Variants in HUWE1 observed in about 807,000 individuals in gnomAD.
HUWE1 encodes HECT, UBA and WWE domain containing E3 ubiquitin protein ligase 1.
In HUWE1, 18 loss-of-function variants were observed where a neutral mutation model predicts 299.4. That is an observed-to-expected ratio of 0.06 (90% CI 0.04 to 0.09). The LOEUF (loss-of-function observed/expected upper bound fraction) is 0.09. Ranked by LOEUF, HUWE1 falls within the 10% of genes least tolerant of loss-of-function variation. The pLI is 1.00. For missense variants in HUWE1, 1,832 were observed against 3,462.3 expected (o/e 0.53, Z 11.82); for synonymous variants, 1,317 against 1,286.1 (o/e 1.02, Z -0.51).
chrX:53,644,012 C>T (rs375696008), intron 7 of HUWE1, among the ~76,000 whole-genome samples: 9 of 110,079 alleles, frequency 8.2e-5, no homozygotes, highest in South Asian at 3.9e-4. Context: ...TTTGCAGAGA[C>T]GGGATTTCGC....
At position 53,535,535 on chromosome X, in the gene HUWE1, G is replaced by C. The variant is rs782793306; in HGVS notation, c.12532-34C>G. ...ACCAAAACACCAATCATACATATCAGACTTCATCTAGGATGGGATTAGATA... is the reference window on the plus strand; with the variant it reads ...ACCAAAACACCAATCATACATATCACACTTCATCTAGGATGGGATTAGATA... On this transcript the variant is annotated intron_variant, in intron 80 of 83. Coordinates refer to ENST00000262854, the MANE Select transcript of HUWE1 (RefSeq NM_031407.7). The C allele has an allele frequency of 2.7e-5, 25 of 941,493 alleles. No homozygotes were observed. In the Admixed American group the frequency reaches 4.8e-4, roughly 18 times the overall value. The allele number at this position is 941,493 out of a possible 1,213,427, so 77.6% of individuals were successfully genotyped here. A position where few individuals can be genotyped will look rare whatever the true frequency, so the allele number is the denominator to read the frequency against.
At chrX:53,639,242 C>A (rs2067414196) in intron 7 of HUWE1, among the ~76,000 whole-genome samples, 1 of 111,924 alleles carries the variant, frequency 8.9e-6, no homozygotes, top group Admixed American at 9.5e-5. Context: ...TAAAGATGCT[C>A]AAAATCATTA....
At chrX:53,556,063 T>G (rs1217660545) in intron 60 of HUWE1, among the ~76,000 whole-genome samples, 1 of 112,068 alleles carries the variant, frequency 8.9e-6, no homozygotes, top group Non-Finnish European at 1.9e-5. Context: ...GGTAAAATAA[T>G]TATATGCTCC....
At position 53,614,754 on chromosome X, in the gene HUWE1, C is replaced by A. The variant is rs377186422; in HGVS notation, c.2050-9G>T. ...CAGATTTCTTCAAGTAACTGAAAGG[C>A]ACAGGAAATAAGATTACTTATTAGT... On this transcript the variant is annotated splice_polypyrimidine_tract_variant and intron_variant, in intron 22 of 83. Coordinates refer to ENST00000262854, the MANE Select transcript of HUWE1 (RefSeq NM_031407.7). 5.3e-5 allele frequency: 60 copies of A among 1,125,205 alleles called. No individual in the cohort carries two copies. The African/African-American group carries it at 9.9e-4, about 19-fold the overall frequency. The allele number at this position is 1,125,205 out of a possible 1,213,427, so 92.7% of individuals were successfully genotyped here. A position where few individuals can be genotyped will look rare whatever the true frequency, so the allele number is the denominator to read the frequency against.
chrX:53,580,280 G>C (rs782046986), intron 43 of HUWE1, among the ~76,000 whole-genome samples: 9 of 111,786 alleles, frequency 8.1e-5, no homozygotes, highest in Non-Finnish European at 1.3e-4. Context: ...GCCCAACCAA[G>C]GCTGGTGGTG....
intron 2 of HUWE1, among the ~76,000 whole-genome samples, chrX:53,683,073 A>G (rs2070264978): frequency 8.9e-6 from 1 of 111,779 alleles, no homozygotes. Flanking sequence ...AAATGCAGGC[A>G]ACAGGATAAG....
rs186597579 is a variant in HUWE1 at position 53,590,988 on chromosome X, G to C, written c.4095+12C>G. The C allele has an allele frequency of 1.8e-4, 219 of 1,209,069 alleles. No homozygotes were observed. In the African/African-American group the frequency reaches 3.6e-3, roughly 20 times the overall value. ...AATATCCTGGAAAATCACTGCTTCT[G>C]AGCCAACTTACCCGAACAACTCCTC... On this transcript the variant is annotated intron_variant, in intron 34 of 83. Coordinates refer to ENST00000262854, the MANE Select transcript of HUWE1 (RefSeq NM_031407.7).
intron 3 of HUWE1, among the ~76,000 whole-genome samples, chrX:53,660,444 T>C (rs1449361185): frequency 4.4e-5 from 5 of 112,473 alleles, no homozygotes; most frequent in Non-Finnish European, 7.5e-5. Flanking sequence ...GCAAGAAACA[T>C]TTGTAGTTTA....
chrX:53,592,745 T>C lies in HUWE1; in HGVS notation c.3742-117A>G, dbSNP rs782494215. On this transcript the variant is annotated intron_variant, in intron 32 of 83. Transcript: ENST00000262854. The stretch of plus-strand genomic sequence containing the variant: ...ACAACTAGTACCAGCAACAAAATAA[T>C]TGGCCAACATGAGGAGGTCTAAGGA... The C allele has an allele frequency of 3.1e-4, 175 of 556,243 alleles. 1 individual carries two copies. The highest frequency in any genetic ancestry group is 1.0e-4 in the Non-Finnish European group (33 of 325,488). 45.8% of individuals were successfully genotyped at this position (556,243 alleles called of 1,213,427 possible). A position where few individuals can be genotyped will look rare whatever the true frequency, so the allele number is the denominator to read the frequency against.
At chrX:53,674,059 C>T (rs1294278655) in intron 3 of HUWE1, among the ~76,000 whole-genome samples, 2 of 111,521 alleles carry the variant, frequency 1.8e-5, no homozygotes, top group East Asian at 2.8e-4. Flanking sequence ...ATACCTTTTA[C>T]GATGACTTGA....
intron 36 of HUWE1, among the ~76,000 whole-genome samples, chrX:53,589,068 T>A (rs1466966515): frequency 8.9e-6 from 1 of 112,570 alleles, no homozygotes; most frequent in African/African-American, 3.2e-5. Context: ...TCCAGTAACT[T>A]AAATACAATC....
chrX:53,563,664 G>T, intron 52 of HUWE1, 82 bp downstream of exon 52: 1 of 1,061,487 alleles, frequency 9.4e-7, no homozygotes. Flanking sequence ...GCAGAGCTGA[G>T]CAAGCAGATG....
At chrX:53,650,293 G>A (rs1028077510) in intron 4 of HUWE1, among the ~76,000 whole-genome samples, 3 of 112,058 alleles carry the variant, frequency 2.7e-5, no homozygotes, top group African/African-American at 9.7e-5. Context: ...GTGGTACAAG[G>A]TACAGCAACT....
chrX:53,664,370 A>G (rs1557046727), intron 3 of HUWE1, among the ~76,000 whole-genome samples: 1 of 112,125 alleles, frequency 8.9e-6, no homozygotes. Flanking sequence ...TTCCTTAAGG[A>G]AGAAAACACT....
intron 43 of HUWE1, among the ~76,000 whole-genome samples, chrX:53,579,014 C>T (rs868940308): frequency 6.6e-5 from 4 of 61,004 alleles, no homozygotes; most frequent in African/African-American, 2.2e-4. Context: ...CCAGCCGCCC[C>T]GTCCGGGAGG....
chrX:53,602,255 AAG>A (rs1402987795), intron 28 of HUWE1, among the ~76,000 whole-genome samples: 1 of 110,860 alleles, frequency 9.0e-6, no homozygotes, highest in Non-Finnish European at 1.9e-5. Context: ...TAAGTGAAGA[AAG>A]AGATCTACGA....
intron 3 of HUWE1, among the ~76,000 whole-genome samples, chrX:53,656,995 C>CA (rs1365687312): frequency 1.8e-5 from 2 of 110,558 alleles, no homozygotes; most frequent in African/African-American, 6.6e-5. Context: ...CATGCACAGG[C>CA]AAAAAAGATG....
chrX:53,604,456 T>C (rs782339372), intron 26 of HUWE1, 133 bp downstream of exon 26: 18 of 700,573 alleles, frequency 2.6e-5, no homozygotes, highest in Non-Finnish European at 3.5e-5. Flanking sequence ...AAAAATCTCA[T>C]CCTAAATTGG....
chrX:53,681,727 AG>A (rs2070165793), intron 2 of HUWE1, among the ~76,000 whole-genome samples: 1 of 112,421 alleles, frequency 8.9e-6, no homozygotes, highest in Non-Finnish European at 1.9e-5. Flanking sequence ...ACTAGCTAAC[AG>A]AAGTTCCTTT....
Sources: allele counts gnomAD v4.1 joint callset (sites outside exome capture counted in the v4.1 genomes callset), GRCh38; gene constraint gnomAD v4.1.1; transcripts MANE v1.5; gene names NCBI Gene and HGNC (gene_info 2026-07-23, HGNC 2026-07-21).